Variants in PARD3 observed in about 807,000 individuals in gnomAD.
PARD3 encodes partitioning defective 3 homolog.
In PARD3, 75 loss-of-function variants were observed where a neutral mutation model predicts 155.4. That is an observed-to-expected ratio of 0.48 (90% CI 0.40 to 0.58). PARD3 has a LOEUF of 0.58. PARD3 is among the 20% of genes least tolerant of loss of function. The probability of loss-of-function intolerance (pLI) is 0.00; values close to 1 mark genes in which losing one functional copy is unlikely to be tolerated. For synonymous variants in PARD3, 576 were observed against 610.5 expected, an observed-to-expected ratio of 0.94 and a Z score of 0.83; for missense variants, 1,642 against 1,721.7, an observed-to-expected ratio of 0.95 and a Z score of 0.82.
intron 2 of PARD3, among the ~76,000 whole-genome samples, chr10:34,527,498 G>A (rs1171676379): frequency 6.6e-6 from 1 of 152,194 alleles, no homozygotes; most frequent in Non-Finnish European, 1.5e-5. Flanking sequence ...CTGGAGTGGG[G>A]AGGGTAGATA....
At chr10:34,589,380 G>A (rs1370855196) in intron 2 of PARD3, among the ~76,000 whole-genome samples, 1 of 152,064 alleles carries the variant, frequency 6.6e-6, no homozygotes, top group East Asian at 1.9e-4. Flanking sequence ...CTTTAGAAAA[G>A]AAATTAAGTT....
In PARD3 at chr10:34,291,774, C is replaced by T. The variant is rs1435686027; in HGVS notation, c.3066-7529G>A. ...TAAATACATGAGATAGAACTGGGTG[C>T]ACTGGCTCATGCCTGTAATCCCAAC... On this transcript the variant is annotated intron_variant, in intron 20 of 24. Transcript: ENST00000374788. 2.6e-5 allele frequency among the ~76,000 whole-genome samples: 4 copies of T among 152,220 alleles called. 1 individual carries two copies. Among genetic ancestry groups the T allele is most frequent in the East Asian group, 3.8e-4 (2 of 5,202 alleles).
chr10:34,475,234 C>T (rs2133128707), intron 3 of PARD3, among the ~76,000 whole-genome samples: 1 of 152,252 alleles, frequency 6.6e-6, no homozygotes, highest in Non-Finnish European at 1.5e-5. Flanking sequence ...TAACACAACT[C>T]AATTTTATGA....
chr10:34,696,176 A>G (rs1446326636), intron 2 of PARD3, 142 bp downstream of exon 2: 2 of 551,392 alleles, frequency 3.6e-6, no homozygotes, highest in Non-Finnish European at 6.4e-6. Context: ...TACTTATTAT[A>G]AAAGAAAATA....
At chr10:34,119,784 G>C in intron 23 of PARD3, 44 bp from the exon 24 acceptor site, 1 of 1,541,604 alleles carries the variant, frequency 6.5e-7, no homozygotes, top group Non-Finnish European at 8.8e-7. Context: ...AGAAAGTTCT[G>C]TACAGATCAC....
chr10:34,737,358 T>A (rs1370751175), intron 1 of PARD3, among the ~76,000 whole-genome samples: 1 of 152,200 alleles, frequency 6.6e-6, no homozygotes, highest in Admixed American at 6.5e-5. Flanking sequence ...TCCACTCAGG[T>A]GCTTGGCTAC....
intron 3 of PARD3, among the ~76,000 whole-genome samples, chr10:34,504,324 T>A (rs2080907922): frequency 6.6e-6 from 1 of 151,726 alleles, no homozygotes; most frequent in South Asian, 2.1e-4. Flanking sequence ...GATCTTACTA[T>A]GGTGCCCATG....
chr10:34,392,452 AAAGT>A (rs1228901896), intron 7 of PARD3, among the ~76,000 whole-genome samples: 3 of 152,228 alleles, frequency 2.0e-5, no homozygotes, highest in African/African-American at 7.2e-5. Context: ...AAATCTGTAA[AAAGT>A]AAGTTGAGAA....
Position 34,254,537 on chromosome 10 carries a change from C to CGTGTGTGTGTGTGTGTGT in PARD3, c.3419+15102_3419+15119dup, listed in dbSNP as rs55901749. On this transcript the variant is annotated intron_variant, in intron 22 of 24. Coordinates refer to ENST00000374788, the MANE Select transcript of PARD3 (RefSeq NM_001184785.2). ...GAGTATTAACATCTAGGTAGGTAAA[C>CGTGTGTGTGTGTGTGTGT]GTGTGTGTGTGTGTGTGTGTGTGTG... Among the ~76,000 whole-genome samples the CGTGTGTGTGTGTGTGTGT allele has an allele frequency of 2.7e-5, 4 of 145,606 alleles. No homozygotes were observed. The South Asian group carries it at 6.8e-4, about 25-fold the overall frequency.
chr10:34,184,711 T>TG (rs1950411527), intron 22 of PARD3, among the ~76,000 whole-genome samples: 1 of 151,190 alleles, frequency 6.6e-6, no homozygotes, highest in Non-Finnish European at 1.5e-5. Flanking sequence ...TTTTTTTTTT[T>TG]TTTTCCCTCA....
chr10:34,552,521 A>C (rs948176180), intron 2 of PARD3, among the ~76,000 whole-genome samples: 3 of 152,258 alleles, frequency 2.0e-5, no homozygotes, highest in African/African-American at 4.8e-5. Flanking sequence ...CAGCCTGGTC[A>C]ACATGGTGAA....
chr10:34,762,315 A>G (rs945815271), intron 1 of PARD3, among the ~76,000 whole-genome samples: 2 of 139,486 alleles, frequency 1.4e-5, no homozygotes, highest in African/African-American at 5.3e-5. Context: ...AGAGAGAGAG[A>G]TGGGGTCTCA....
chr10:34,599,840 C>T (rs958243370), intron 2 of PARD3, among the ~76,000 whole-genome samples: 1 of 152,146 alleles, frequency 6.6e-6, no homozygotes, highest in African/African-American at 2.4e-5. Context: ...TTTAAATTTA[C>T]TATGGCATAA....
chr10:34,131,381 G>A (rs1588877761), intron 23 of PARD3, 82 bp downstream of exon 23: 1 of 1,479,686 alleles, frequency 6.8e-7, no homozygotes, highest in East Asian at 2.3e-5. Flanking sequence ...TCGTTTCATA[G>A]AGCATTGAGG....
chr10:34,267,136 C>A (rs1453663105), intron 22 of PARD3, among the ~76,000 whole-genome samples: 4 of 148,648 alleles, frequency 2.7e-5, no homozygotes, highest in Non-Finnish European at 6.0e-5. Flanking sequence ...TTTTTTTTTA[C>A]TTCCTCCAAA....
At chr10:34,291,125 A>C (rs566906349) in intron 20 of PARD3, among the ~76,000 whole-genome samples, 3 of 152,318 alleles carry the variant, frequency 2.0e-5, no homozygotes, top group African/African-American at 4.8e-5. Flanking sequence ...ACACAATAAC[A>C]AACTTACTTT....
chr10:34,655,090 G>C (rs2093128965), intron 2 of PARD3, among the ~76,000 whole-genome samples: 1 of 151,524 alleles, frequency 6.6e-6, no homozygotes, highest in South Asian at 2.1e-4. Context: ...TAAGGAAACA[G>C]CTACTCCCTT....
intron 1 of PARD3, among the ~76,000 whole-genome samples, chr10:34,764,910 A>ACAGCCTGC (rs1486252307): frequency 1.3e-5 from 2 of 152,322 alleles, no homozygotes; most frequent in African/African-American, 4.8e-5. Flanking sequence ...ATCTTCATAA[A>ACAGCCTGC]CAGCCTGCAC....
At chr10:34,519,821 ATAAC>A (rs1564803958) in intron 2 of PARD3, among the ~76,000 whole-genome samples, 9 of 14,416 alleles carry the variant, frequency 6.2e-4, no homozygotes, top group African/African-American at 1.2e-3. Context: ...CTCAAAATAA[ATAAC>A]ATAACATAAC....
Sources: gnomAD v4.1 joint callset for allele counts (sites outside exome capture counted in the v4.1 genomes callset) on GRCh38, gnomAD v4.1.1 for gene constraint, MANE v1.5 for transcripts, NCBI Gene and HGNC (gene_info 2026-07-23, HGNC 2026-07-21) for gene names.